The following UBTD2 variants were observed in gnomAD, a reference collection of about 807,000 sequenced individuals.
The protein encoded by UBTD2 is ubiquitin domain-containing protein 2.
Under a neutral mutation model 19.8 loss-of-function variants are expected in UBTD2, and 9 were observed. The observed-to-expected ratio is 0.46, with a 90% confidence interval of 0.27 to 0.79. The LOEUF (loss-of-function observed/expected upper bound fraction) is 0.79. Ranked by LOEUF, UBTD2 falls within the 30% of genes least tolerant of loss-of-function variation. The pLI is 0.14. For missense variants in UBTD2, 250 were observed against 300.4 expected (o/e 0.83, Z 1.24); for synonymous variants, 98 against 103.9 (o/e 0.94, Z 0.35).
intron 2 of UBTD2, 49 bp downstream of exon 2, chr5:172,234,073 A>G: frequency 6.3e-7 from 1 of 1,592,968 alleles, no homozygotes; most frequent in Middle Eastern, 1.7e-4. Flanking sequence ...TTGCTATCAG[A>G]AACAAAGTTG....
At chr5:172,218,987 T>C (rs1163859127) in intron 2 of UBTD2, among the ~76,000 whole-genome samples, 1 of 151,884 alleles carries the variant, frequency 6.6e-6, no homozygotes, top group Non-Finnish European at 1.5e-5. Flanking sequence ...GTTGAAAGGA[T>C]AATAAAAGAA....
At chr5:172,229,750 G>T (rs1771852737) in intron 2 of UBTD2, among the ~76,000 whole-genome samples, 1 of 152,030 alleles carries the variant, frequency 6.6e-6, no homozygotes, top group African/African-American at 2.4e-5. Context: ...ACAAGATACA[G>T]TTTCTGAATA....
At chr5:172,224,148 T>A (rs117400029) in intron 2 of UBTD2, among the ~76,000 whole-genome samples, 1 of 152,160 alleles carries the variant, frequency 6.6e-6, no homozygotes, top group East Asian at 1.9e-4. Flanking sequence ...GTTTGGCTGT[T>A]CCCACCCAAA....
intron 2 of UBTD2, among the ~76,000 whole-genome samples, chr5:172,223,401 G>A (rs1190217220): frequency 2.6e-5 from 4 of 151,608 alleles, no homozygotes; most frequent in African/African-American, 4.8e-5. Context: ...TCAGGAGTTC[G>A]AGACCAGCCT....
At chr5:172,228,092 C>T (rs1057414926) in intron 2 of UBTD2, among the ~76,000 whole-genome samples, 5 of 152,180 alleles carry the variant, frequency 3.3e-5, no homozygotes, top group African/African-American at 9.7e-5. Flanking sequence ...ACATGCATTT[C>T]CTGTCTATGT....
At chr5:172,267,401 T>C (rs527988223) in intron 1 of UBTD2, among the ~76,000 whole-genome samples, 39 of 152,330 alleles carry the variant, frequency 2.6e-4, no homozygotes, top group Admixed American at 1.1e-3. Context: ...ATGGTGTCTT[T>C]TGTTAATACA....
intron 1 of UBTD2, among the ~76,000 whole-genome samples, chr5:172,249,712 A>C (rs1232770632): frequency 6.6e-6 from 1 of 152,178 alleles, no homozygotes; most frequent in East Asian, 1.9e-4. Flanking sequence ...AGCAAACTAA[A>C]TCTAAATGCA....
intron 1 of UBTD2, among the ~76,000 whole-genome samples, chr5:172,262,030 T>C (rs1266166058): frequency 6.6e-6 from 1 of 152,232 alleles, no homozygotes; most frequent in Non-Finnish European, 1.5e-5. Flanking sequence ...CTTACAGTTT[T>C]GGCTACTCTT....
chr5:172,251,547 G>T (rs909326926), intron 1 of UBTD2, among the ~76,000 whole-genome samples: 16 of 149,404 alleles, frequency 1.1e-4, no homozygotes, highest in African/African-American at 4.0e-4. Flanking sequence ...ACATATAAGG[G>T]ACTTCCAATA....
At chr5:172,233,783 T>G (rs146317899) in intron 2 of UBTD2, among the ~76,000 whole-genome samples, 2 of 96,050 alleles carry the variant, frequency 2.1e-5, no homozygotes, top group Admixed American at 1.5e-4. Flanking sequence ...CTCCAATAGA[T>G]TGGCAGGGTG....
At chr5:172,244,534 A>C (rs571142273) in intron 1 of UBTD2, among the ~76,000 whole-genome samples, 1 of 150,836 alleles carries the variant, frequency 6.6e-6, no homozygotes, top group Non-Finnish European at 1.5e-5. Context: ...CCAACCTTAG[A>C]TGATCCGCCC....
At chr5:172,244,103 A>T (rs1299064619) in intron 1 of UBTD2, among the ~76,000 whole-genome samples, 1 of 152,086 alleles carries the variant, frequency 6.6e-6, no homozygotes, top group African/African-American at 2.4e-5. Context: ...CTCCTTGAAC[A>T]TTCAAGCTGA....
At chr5:172,282,638 C>A (rs1351430856) in intron 1 of UBTD2, among the ~76,000 whole-genome samples, 4 of 152,200 alleles carry the variant, frequency 2.6e-5, no homozygotes, top group African/African-American at 7.2e-5. Flanking sequence ...CAAACCAACG[C>A]TGTCATCTTT....
rs200151352 is a variant in UBTD2, at chr5:172,211,998, T to C, written c.537A>G (p.Arg179=). Residue 179 remains arginine, a synonymous_variant, in exon 3 of 3, where the codon AGA becomes AGG. Coordinates refer to ENST00000393792, the MANE Select transcript of UBTD2 (RefSeq NM_152277.3). ...CCACTCCCTCTGCTGCATGCAACCG[T>C]CTCTTCATGTGGAATACTGTGTCTG... is the stretch of plus-strand genomic sequence containing the variant. The part of the protein sequence containing the change: ...RSTDTVFHMK[R]RLHAAEGVEP... 5.0e-6 allele frequency: 8 copies of C among 1,614,156 alleles called. No individual in the cohort carries two copies. The East Asian group carries it at 1.6e-4, about 31-fold the overall frequency.
intron 1 of UBTD2, among the ~76,000 whole-genome samples, chr5:172,268,517 G>A (rs1030076791): frequency 2.0e-5 from 3 of 152,140 alleles, no homozygotes; most frequent in Admixed American, 1.3e-4. Flanking sequence ...TCGGCCGGGC[G>A]TGGCAGATCA....
chr5:172,211,539 T>C lies in UBTD2; in HGVS notation c.*291A>G. The C allele has an allele frequency of 3.7e-6, 1 of 271,194 alleles. No individual in the cohort carries two copies. The highest frequency in any genetic ancestry group is 6.9e-6 in the Non-Finnish European group (1 of 144,888). The allele number at this position is 271,194 out of a possible 1,614,324, so 16.8% of individuals were successfully genotyped here. On this transcript the variant is annotated 3_prime_UTR_variant, in exon 3 of 3. Coordinates refer to ENST00000393792, the MANE Select transcript of UBTD2 (RefSeq NM_152277.3). ...ATTTACAGTCCAAGTCACTGAAATA[T>C]AGCCATTACATAGTTGTTGAGTGTT...
intron 1 of UBTD2, among the ~76,000 whole-genome samples, chr5:172,272,549 T>C (rs934834563): frequency 5.3e-5 from 8 of 152,232 alleles, no homozygotes; most frequent in Non-Finnish European, 7.3e-5. Flanking sequence ...AATTTGATTA[T>C]GTTGCTTAAA....
chr5:172,238,135 A>G (rs4270710), intron 1 of UBTD2, among the ~76,000 whole-genome samples: 49,058 of 152,116 alleles, frequency 0.32, 7,995 homozygotes, highest in South Asian at 0.42. Context: ...TGTAAGATGT[A>G]GAATATATAC....
rs376402351 is a variant in UBTD2, at chr5:172,253,963, G to C, written c.71-19605C>G. Among the ~76,000 whole-genome samples the C allele has an allele frequency of 4.6e-5, 7 of 152,278 alleles. No individual in the cohort carries two copies. In the South Asian group the frequency reaches 1.2e-3, roughly 27 times the overall value. On this transcript the variant is annotated intron_variant, in intron 1 of 2. Transcript: ENST00000393792. Reference sequence around the variant, plus strand: ...CTTTAGGTCTTACCCATGGTAAGGAGAGGGAGGATTAGACAACATCTACTG... The same window carrying C: ...CTTTAGGTCTTACCCATGGTAAGGACAGGGAGGATTAGACAACATCTACTG...
Sources: allele counts gnomAD v4.1 joint callset (sites outside exome capture counted in the v4.1 genomes callset), GRCh38; gene constraint gnomAD v4.1.1; transcripts MANE v1.5; gene names NCBI Gene and HGNC (gene_info 2026-07-23, HGNC 2026-07-21).